The following SEMA3A variants were observed in gnomAD, a reference collection of about 807,000 sequenced individuals.
SEMA3A encodes semaphorin-3A.
Under a neutral mutation model 97.9 loss-of-function variants are expected in SEMA3A, and 29 were observed. The ratio of observed to expected loss-of-function variants is 0.30; its 90% confidence interval spans 0.22 to 0.40. SEMA3A has a LOEUF of 0.40. Among genes scored for constraint, SEMA3A ranks in the 10% least tolerant of loss-of-function variants. The pLI is 1.00. For missense variants in SEMA3A, 763 were observed against 951.3 expected, an observed-to-expected ratio of 0.80 and a Z score of 2.60; for synonymous variants, 321 against 323.7, an observed-to-expected ratio of 0.99 and a Z score of 0.09.
At chr7:84,110,393 CTG>C (rs1795240798) in intron 4 of SEMA3A, 75 bp downstream of exon 4, 2 of 1,532,126 alleles carry the variant, frequency 1.3e-6, no homozygotes, top group African/African-American at 2.8e-5. Context: ...GCAAAATAAA[CTG>C]AAGAAATTAG....
intron 2 of SEMA3A, among the ~76,000 whole-genome samples, chr7:84,334,267 A>G (rs1332591689): frequency 1.3e-5 from 2 of 152,020 alleles, no homozygotes; most frequent in African/African-American, 4.8e-5. Flanking sequence ...AATAAATTTT[A>G]TGTAATGAAG....
intron 3 of SEMA3A, among the ~76,000 whole-genome samples, chr7:84,202,097 G>A (rs1445279124): frequency 6.6e-6 from 1 of 152,096 alleles, no homozygotes; most frequent in Non-Finnish European, 1.5e-5. Context: ...TTAAAACAAT[G>A]AGTGTAGTTC....
chr7:84,355,290 C>T (rs11972641), intron 2 of SEMA3A, among the ~76,000 whole-genome samples: 47,177 of 151,670 alleles, frequency 0.31, 8,239 homozygotes, highest in African/African-American at 0.46. Context: ...AGTACAGATA[C>T]ACCTTTTCTC....
chr7:84,128,790 G>A (rs1795873112), intron 3 of SEMA3A, among the ~76,000 whole-genome samples: 1 of 152,000 alleles, frequency 6.6e-6, no homozygotes, highest in Non-Finnish European at 1.5e-5. Flanking sequence ...AATTTTTTGA[G>A]CACCCACATG....
At chr7:84,379,499 G>A (rs1377273267) in intron 1 of SEMA3A, among the ~76,000 whole-genome samples, 1 of 152,066 alleles carries the variant, frequency 6.6e-6, no homozygotes, top group Non-Finnish European at 1.5e-5. Context: ...AAGAATTGAG[G>A]AAACTACCCA....
chr7:84,139,893 G>T (rs1296134285), intron 1 of SEMA3A, among the ~76,000 whole-genome samples: 1 of 151,884 alleles, frequency 6.6e-6, no homozygotes, highest in Non-Finnish European at 1.5e-5. Context: ...ATTTTATAAT[G>T]AGTCAATTTT....
intron 2 of SEMA3A, among the ~76,000 whole-genome samples, chr7:84,341,856 C>G (rs1802180027): frequency 6.6e-6 from 1 of 151,978 alleles, no homozygotes; most frequent in South Asian, 2.1e-4. Context: ...TGCTGACCAC[C>G]TTTTTTAACT....
In SEMA3A at chr7:84,115,705, C is replaced by T. The variant is rs142674512; in HGVS notation, c.334-5116G>A. On this transcript the variant is annotated intron_variant, in intron 3 of 16. Transcript: ENST00000265362. ...CATAACCTTTCTTCACCTCATATTG[C>T]AATAAATGCAGACAATTAAAAATAT... Among the ~76,000 whole-genome samples, 548 of 152,208 alleles carry T rather than the reference C, an allele frequency of 3.6e-3. 1 individual carries two copies. Among genetic ancestry groups the T allele is most frequent in the African/African-American group, 0.012 (505 of 41,534 alleles).
At chr7:84,054,474 C>T (rs1792854706) in intron 5 of SEMA3A, among the ~76,000 whole-genome samples, 1 of 152,086 alleles carries the variant, frequency 6.6e-6, no homozygotes, top group African/African-American at 2.4e-5. Flanking sequence ...TCGCTGATAC[C>T]CTTTCTTCCA....
chr7:84,061,622 T>G (rs1220949791), intron 4 of SEMA3A, among the ~76,000 whole-genome samples: 1 of 152,212 alleles, frequency 6.6e-6, no homozygotes, highest in Non-Finnish European at 1.5e-5. Flanking sequence ...CTTGGTATAT[T>G]AAATGGTGTC....
At chr7:83,992,042 G>C (rs1278739099) in intron 12 of SEMA3A, among the ~76,000 whole-genome samples, 1 of 136,594 alleles carries the variant, frequency 7.3e-6, no homozygotes, top group Non-Finnish European at 1.6e-5. Context: ...TCCTGGTTTA[G>C]TCTTGGGAGA....
intron 5 of SEMA3A, among the ~76,000 whole-genome samples, chr7:84,050,828 T>G (rs1276053037): frequency 6.6e-6 from 1 of 152,054 alleles, no homozygotes; most frequent in Admixed American, 6.6e-5. Context: ...TCTTCTAGGG[T>G]TTTTATGGTT....
At chr7:84,347,568 C>T (rs1264477531) in intron 2 of SEMA3A, among the ~76,000 whole-genome samples, 2 of 152,112 alleles carry the variant, frequency 1.3e-5, no homozygotes, top group South Asian at 4.2e-4. Flanking sequence ...TGCGCCACCA[C>T]GCCCGGCTAA....
intron 1 of SEMA3A, among the ~76,000 whole-genome samples, chr7:84,139,384 T>C (rs1019523797): frequency 9.2e-5 from 14 of 152,042 alleles, no homozygotes; most frequent in Admixed American, 3.3e-4. Flanking sequence ...AAATGTAGGA[T>C]TGTAATTAAA....
At chr7:84,469,568 T>C (rs1806094426) in intron 1 of SEMA3A, among the ~76,000 whole-genome samples, 1 of 152,154 alleles carries the variant, frequency 6.6e-6, no homozygotes. Flanking sequence ...ACATAAGGAA[T>C]ATTTCTGTGC....
chr7:84,318,458 G>A (rs1457448339), intron 2 of SEMA3A, among the ~76,000 whole-genome samples: 6 of 150,112 alleles, frequency 4.0e-5, no homozygotes, highest in South Asian at 4.2e-4. Flanking sequence ...AAGTAGCTGG[G>A]ACTACAGGCG....
At chr7:84,325,108 T>C (rs1801740266) in intron 2 of SEMA3A, among the ~76,000 whole-genome samples, 1 of 149,338 alleles carries the variant, frequency 6.7e-6, no homozygotes, top group Non-Finnish European at 1.5e-5. Flanking sequence ...CAATGGAGAA[T>C]GTATATATCT....
chr7:84,435,259 A>G (rs1377616903), intron 1 of SEMA3A, among the ~76,000 whole-genome samples: 1 of 151,270 alleles, frequency 6.6e-6, no homozygotes, highest in Non-Finnish European at 1.5e-5. Context: ...ACAGCTACAC[A>G]CACACACACA....
intron 5 of SEMA3A, among the ~76,000 whole-genome samples, chr7:84,055,105 A>G (rs868527674): frequency 0.024 from 3,580 of 151,988 alleles, 33 homozygotes; most frequent in Middle Eastern, 0.044. Context: ...TGCTCTCTTC[A>G]AAGCTGTCAG....
Sources: gnomAD v4.1 joint callset for allele counts (sites outside exome capture counted in the v4.1 genomes callset) on GRCh38, gnomAD v4.1.1 for gene constraint, MANE v1.5 for transcripts, NCBI Gene and HGNC (gene_info 2026-07-23, HGNC 2026-07-21) for gene names.